Variants in SELENBP1 observed in about 807,000 individuals in gnomAD.
The protein encoded by SELENBP1 is methanethiol oxidase.
In SELENBP1, 71 loss-of-function variants were observed where a neutral mutation model predicts 61.0. The ratio of observed to expected loss-of-function variants is 1.16; its 90% confidence interval spans 0.96 to 1.42. The LOEUF (loss-of-function observed/expected upper bound fraction) is 1.42, where lower values mean the gene tolerates loss of function less well. Ranked by LOEUF, SELENBP1 falls within the 40% of genes most tolerant of loss-of-function variation. SELENBP1 has a pLI of 0.00. For synonymous variants in SELENBP1, 270 were observed against 238.9 expected, an observed-to-expected ratio of 1.13 and a Z score of -1.20; for missense variants, 561 against 605.0, an observed-to-expected ratio of 0.93 and a Z score of 0.76.
intron 1 of SELENBP1, among the ~76,000 whole-genome samples, chr1:151,371,769 A>G (rs1652149565): frequency 6.6e-6 from 1 of 151,822 alleles, no homozygotes; most frequent in South Asian, 2.1e-4. Context: ...GCCTCGGCCC[A>G]CCCCACACCC....
rs950535463 is a variant in SELENBP1, at chr1:151,365,838, T to C, written c.852A>G (p.Thr284=). 2 of 1,613,938 alleles carry C rather than the reference T, an allele frequency of 1.2e-6. No homozygotes were observed. Among genetic ancestry groups the C allele is most frequent in the Admixed American group, 1.7e-5 (1 of 59,990 alleles). ...IQRFYKNEGG[T]WSVEKVIQVP... ...CCTGGATCACCTTCTCCACTGACCATGTACCTCCCTACATTGAGGGGTGGA... is the reference window on the plus strand; with the variant it reads ...CCTGGATCACCTTCTCCACTGACCACGTACCTCCCTACATTGAGGGGTGGA... Residue 284 remains threonine (T), a synonymous_variant, in exon 8 of 12, where the codon ACA becomes ACG. Transcript: ENST00000368868.
intron 1 of SELENBP1, among the ~76,000 whole-genome samples, chr1:151,372,301 GC>G (rs2102103805): frequency 6.6e-6 from 1 of 152,324 alleles, no homozygotes; most frequent in East Asian, 1.9e-4. Flanking sequence ...CTATGTGAGG[GC>G]CAGGGACCTA....
Position 151,368,307 on chromosome 1 carries a change from T to C in SELENBP1, c.373A>G (p.Lys125Glu), listed in dbSNP as rs2102096875. ...APKLHKVIEP[K>E]DIHAKCELAF... ...AGTTCGCACTTGGCATGGATGTCCTTGGGCTCAATGACCTGGAAGGGGTGG... is the reference window on the plus strand; with the variant it reads ...AGTTCGCACTTGGCATGGATGTCCTCGGGCTCAATGACCTGGAAGGGGTGG... The change falls in exon 5 of 12, where the codon AAG becomes GAG. Residue 125 changes from lysine (K) to glutamate (E), a missense_variant. Lys to Glu is a moderately conservative substitution (Grantham distance 56). Coordinates refer to ENST00000368868, the MANE Select transcript of SELENBP1 (RefSeq NM_003944.4). 6.2e-7 allele frequency: 1 copy of C among 1,614,180 alleles called. No homozygotes were observed. The highest frequency in any genetic ancestry group is 8.5e-7 in the Non-Finnish European group (1 of 1,180,008).
rs1652005321 is a variant in SELENBP1, at chr1:151,369,072, T to C, written c.292A>G (p.Ser98Gly). 1 of 1,614,034 alleles carries C rather than the reference T, an allele frequency of 6.2e-7. No individual in the cohort carries two copies. Among genetic ancestry groups the C allele is most frequent in the Non-Finnish European group, 8.5e-7 (1 of 1,179,992 alleles). ...TKSRTKLVLP[S>G]LISSRIYVVD... Reference sequence around the variant, plus strand: ...ACATAGATGCGAGAGGAGATGAGACTGGGCAGCACCAGCTTGGTGCGCGAC... The same window carrying C: ...ACATAGATGCGAGAGGAGATGAGACCGGGCAGCACCAGCTTGGTGCGCGAC... Residue 98 changes from serine to glycine, a missense_variant, in exon 4 of 12, where the codon AGT becomes GGT. Ser to Gly is a moderately conservative substitution (Grantham distance 56). Coordinates refer to ENST00000368868, the MANE Select transcript of SELENBP1 (RefSeq NM_003944.4).
chr1:151,364,884 AGAG>A (rs1651715254), intron 11 of SELENBP1, 39 bp downstream of exon 11: 1 of 1,595,576 alleles, frequency 6.3e-7, no homozygotes, highest in South Asian at 1.1e-5. Context: ...CCCCTCTGGA[AGAG>A]GAGGGCTGGG....
chr1:151,368,235 T>C lies in SELENBP1; in HGVS notation c.445A>G (p.Ile149Val), dbSNP rs912924766. Residue 149 changes from isoleucine (I) to valine (V), a missense_variant, in exon 5 of 12, where the codon ATC becomes GTC. Ile to Val is a conservative substitution (Grantham distance 29). Transcript: ENST00000368868. Reference protein sequence around the residue: ...SHCLASGEVMISSLGDVKGNG... With the variant: ...SHCLASGEVMVSSLGDVKGNG... ...CCCTTGACGTCTCCCAGGGAGCTGA[T>C]CATCACTTCCCCGCTGGCCAGGCAG... 3 of 1,614,010 alleles carry C rather than the reference T, an allele frequency of 1.9e-6. No homozygotes were observed. The African/African-American group carries it at 4.0e-5, about 22-fold the overall frequency.
In SELENBP1 at chr1:151,364,553, A is replaced by T; in HGVS notation, c.1409T>A (p.Ile470Asn). The T allele has an allele frequency of 6.2e-7, 1 of 1,614,084 alleles. No individual in the cohort carries two copies. Among genetic ancestry groups the T allele is most frequent in the Non-Finnish European group, 8.5e-7 (1 of 1,179,994 alleles). ...RYPGGDCSSD[I>N]WI ...TGATGAGGGTGGAGTTCAAATCCAG[A>T]TGTCAGAGCTACAATCGCCCCCAGG... The change falls in exon 12 of 12, where the codon ATC (isoleucine) becomes AAC (asparagine). Residue 470 changes from isoleucine to asparagine, a missense_variant. Physicochemically the swap from Ile to Asn is moderately radical, Grantham distance 149. Coordinates refer to ENST00000368868, the MANE Select transcript of SELENBP1 (RefSeq NM_003944.4).
chr1:151,364,832 G>A (rs74125927), intron 11 of SELENBP1, 94 bp downstream of exon 11: 2 of 1,480,584 alleles, frequency 1.4e-6, no homozygotes, highest in East Asian at 2.3e-5. Flanking sequence ...TGTGTGGTGG[G>A]GTACAGGGGT....
rs769233231 is a variant in SELENBP1, at chr1:151,368,308, G to T, written c.372C>A (p.Pro124=). 6.2e-7 allele frequency: 1 copy of T among 1,614,166 alleles called. No individual in the cohort carries two copies. ...RAPKLHKVIE[P]KDIHAKCELA... is the part of the protein sequence containing the mutation. ...GTTCGCACTTGGCATGGATGTCCTT[G>T]GGCTCAATGACCTGGAAGGGGTGGG... The change falls in exon 5 of 12, where the codon CCC becomes CCA. Residue 124 remains proline, a synonymous_variant. Transcript: ENST00000368868.
rs764553937 is a variant in SELENBP1, at chr1:151,369,142, G to A, written c.222C>T (p.His74=). 4.3e-6 allele frequency: 7 copies of A among 1,613,886 alleles called. No homozygotes were observed. The Admixed American group carries it at 1.2e-4, about 27-fold the overall frequency. The change falls in exon 4 of 12, where the codon CAC becomes CAT. Residue 74 remains histidine (H), a synonymous_variant. Coordinates refer to ENST00000368868, the MANE Select transcript of SELENBP1 (RefSeq NM_003944.4). ...PMPNLKDELH[H]SGWNTCSSCF... ...AGCTGCTGCAGGTGTTCCATCCTGA[G>A]TGATGCAGCTCGTCCTTCAGGTTGG...
chr1:151,364,330 C>A lies in SELENBP1; in HGVS notation c.*213G>T. 1 of 594,308 alleles carries A rather than the reference C, an allele frequency of 1.7e-6. No homozygotes were observed. Among genetic ancestry groups the A allele is most frequent in the Non-Finnish European group, 2.9e-6 (1 of 340,218 alleles). 36.8% of individuals were successfully genotyped at this position (594,308 alleles called of 1,614,324 possible). ...GAAGGACAGGGTTACGAGTTTATTT[C>A]TTGGTGCCTCCAAGAGCTCATGGAA... On this transcript the variant is annotated 3_prime_UTR_variant, in exon 12 of 12. Transcript: ENST00000368868.
chr1:151,367,213 A>T (rs778868196), intron 5 of SELENBP1: 44 of 299,720 alleles, frequency 1.5e-4, no homozygotes, highest in Non-Finnish European at 2.4e-4. Context: ...GCATGGCGTC[A>T]CATGCCTGTA....
chr1:151,372,683 C>G lies in SELENBP1; in HGVS notation c.-42G>C. Reference sequence around the variant, plus strand: ...CTTTGATCCCGGCGGGTTTGCTGTGCTGGTGTCAGAGGCCGCTGTTCCGGG... The same window carrying G: ...CTTTGATCCCGGCGGGTTTGCTGTGGTGGTGTCAGAGGCCGCTGTTCCGGG... On this transcript the variant is annotated 5_prime_UTR_variant, in exon 1 of 12. Coordinates refer to ENST00000368868, the MANE Select transcript of SELENBP1 (RefSeq NM_003944.4). 1 of 1,613,906 alleles carries G rather than the reference C, an allele frequency of 6.2e-7. No individual in the cohort carries two copies. Among genetic ancestry groups the G allele is most frequent in the Non-Finnish European group, 8.5e-7 (1 of 1,179,960 alleles).
chr1:151,365,175 G>A lies in SELENBP1; in HGVS notation c.1137+14C>T. On this transcript the variant is annotated intron_variant, in intron 10 of 11. Coordinates refer to ENST00000368868, the MANE Select transcript of SELENBP1 (RefSeq NM_003944.4). The stretch of plus-strand genomic sequence containing the variant: ...GGTCTGAGGGGTCCAGCAAGTAGGG[G>A]GAGAGGCTCTTACCTTGACCACTAG... 5 of 1,611,572 alleles carry A rather than the reference G, an allele frequency of 3.1e-6. No individual in the cohort carries two copies. Among genetic ancestry groups the A allele is most frequent in the Non-Finnish European group, 3.4e-6 (4 of 1,177,964 alleles).
At chr1:151,365,514 C>A (rs1327913599) in intron 9 of SELENBP1, 49 bp downstream of exon 9, 2 of 1,611,296 alleles carry the variant, frequency 1.2e-6, no homozygotes. Flanking sequence ...TCCCCAGCTT[C>A]TCTTCTCTTT....
In SELENBP1 at chr1:151,364,385, G is replaced by A. The variant is rs1651683501; in HGVS notation, c.*158C>T. The A allele has an allele frequency of 2.5e-6, 2 of 816,074 alleles. No homozygotes were observed. Among genetic ancestry groups the A allele is most frequent in the Non-Finnish European group, 2.0e-6 (1 of 505,064 alleles). 50.6% of individuals were successfully genotyped at this position (816,074 alleles called of 1,614,324 possible). On this transcript the variant is annotated 3_prime_UTR_variant, in exon 12 of 12. Coordinates refer to ENST00000368868, the MANE Select transcript of SELENBP1 (RefSeq NM_003944.4). ...AGCACAGTGAGCAACAAGCAACAGTGGTCAGTAAATGTATATGACTCAACA... is the reference window on the plus strand; with the variant it reads ...AGCACAGTGAGCAACAAGCAACAGTAGTCAGTAAATGTATATGACTCAACA...
chr1:151,366,607 C>T, intron 6 of SELENBP1, 115 bp downstream of exon 6: 2 of 1,414,120 alleles, frequency 1.4e-6, no homozygotes, highest in Non-Finnish European at 2.0e-6. Context: ...ACATCCTATG[C>T]CATCTCTCTT....
intron 1 of SELENBP1, 126 bp from the exon 2 acceptor site, chr1:151,369,895 C>T (rs770716930): frequency 3.9e-6 from 6 of 1,549,152 alleles, no homozygotes; most frequent in Non-Finnish European, 5.2e-6. Context: ...CCACTCCAGC[C>T]TCATCGCTCT....
At chr1:151,370,810 G>A (rs1382116382) in intron 1 of SELENBP1, among the ~76,000 whole-genome samples, 1 of 152,184 alleles carries the variant, frequency 6.6e-6, no homozygotes, top group East Asian at 1.9e-4. Flanking sequence ...TCCAGCCTCT[G>A]CCTTCACAGC....
Sources: gnomAD v4.1 joint callset for allele counts (sites outside exome capture counted in the v4.1 genomes callset) on GRCh38, gnomAD v4.1.1 for gene constraint, MANE v1.5 for transcripts, NCBI Gene and HGNC (gene_info 2026-07-23, HGNC 2026-07-21) for gene names.